The following FNTB variants were observed in gnomAD, a reference collection of about 807,000 sequenced individuals.
FNTB encodes farnesyltransferase, CAAX box, subunit beta.
A neutral mutation model predicts 59.4 loss-of-function variants in FNTB; 27 were observed. The ratio of observed to expected loss-of-function variants is 0.45; its 90% confidence interval spans 0.34 to 0.63. The LOEUF (loss-of-function observed/expected upper bound fraction) is 0.63, where lower values mean the gene tolerates loss of function less well. Among genes scored for constraint, FNTB ranks in the 20% least tolerant of loss-of-function variants. FNTB has a pLI of 0.02. For synonymous variants in FNTB, 230 were observed against 220.7 expected, an observed-to-expected ratio of 1.04 and a Z score of -0.37; for missense variants, 449 against 559.6, an observed-to-expected ratio of 0.80 and a Z score of 1.99.
chr14:65,054,001 A>G lies in FNTB; in HGVS notation c.1068-574A>G, dbSNP rs11851530. 0.12 allele frequency among the ~76,000 whole-genome samples: 18,913 copies of G among 152,214 alleles called. 2,504 individuals are homozygous for G. Among genetic ancestry groups the G allele is most frequent in the African/African-American group, 0.34 (14,007 of 41,482 alleles). ...CCCTTTCCAGAAGACAGCTGGAGAG[A>G]CTGACTTTAAAATTACAGTTTCCTT... On this transcript the variant is annotated intron_variant, in intron 10 of 11. Transcript: ENST00000246166. The surrounding 1 kb of genome is among the most constrained non-coding windows in gnomAD (Gnocchi z 4.4).
rs1193719352 is a variant in FNTB at position 65,001,616 on chromosome 14, T to C, written c.145-2633T>C. 6.6e-6 allele frequency among the ~76,000 whole-genome samples: 1 copy of C among 152,206 alleles called. No homozygotes were observed. Among genetic ancestry groups the C allele is most frequent in the East Asian group, 1.9e-4 (1 of 5,202 alleles). On this transcript the variant is annotated intron_variant, in intron 1 of 11. Transcript: ENST00000246166. This position sits in a 1 kb window ranked among gnomAD's most constrained non-coding sequence, Gnocchi z 5.5. ...ACTTGAGCATCCACAGATTTTGATATCCTGGGAGATCCTGGAACCAATCCC... is the reference window on the plus strand; with the variant it reads ...ACTTGAGCATCCACAGATTTTGATACCCTGGGAGATCCTGGAACCAATCCC...
intron 4 of FNTB, among the ~76,000 whole-genome samples, chr14:65,018,858 C>T (rs893002391): frequency 6.7e-5 from 10 of 150,216 alleles, no homozygotes; most frequent in African/African-American, 2.2e-4. Context: ...CACCTGTAAT[C>T]CCAGCACTTT....
intron 4 of FNTB, among the ~76,000 whole-genome samples, chr14:65,018,969 G>A (rs2061834088): frequency 6.6e-6 from 1 of 152,084 alleles, no homozygotes; most frequent in Admixed American, 6.6e-5. Context: ...AATTAGCCAA[G>A]CGTGGTGGCG....
At chr14:64,993,694 G>T (rs1594983022) in intron 1 of FNTB, among the ~76,000 whole-genome samples, 1 of 152,174 alleles carries the variant, frequency 6.6e-6, no homozygotes, top group Non-Finnish European at 1.5e-5. Context: ...AGGAAGCAGA[G>T]AAGTGATAGT....
At chr14:65,049,109 A>AGG (rs1002434982) in intron 9 of FNTB, among the ~76,000 whole-genome samples, 1 of 147,130 alleles carries the variant, frequency 6.8e-6, no homozygotes, top group African/African-American at 2.6e-5. Flanking sequence ...CCTGGGTAAC[A>AGG]GGGCAGGACT....
rs2140035731 is a variant in FNTB, at chr14:64,991,819, G to C, written c.144+4722G>C. On this transcript the variant is annotated intron_variant, in intron 1 of 11. Transcript: ENST00000246166. The surrounding 1 kb of genome is among the most constrained non-coding windows in gnomAD (Gnocchi z 4.4). ...AGAGCTGTTTTGAGGGAAGACTCAG[G>C]CTTGACTGGGGGCGTTAAGATGGCT... Among the ~76,000 whole-genome samples the C allele has an allele frequency of 6.6e-6, 1 of 152,186 alleles. No homozygotes were observed. The highest frequency in any genetic ancestry group is 2.1e-4 in the South Asian group (1 of 4,812).
At chr14:65,036,451 G>C (rs2062195596) in intron 7 of FNTB, among the ~76,000 whole-genome samples, 1 of 151,930 alleles carries the variant, frequency 6.6e-6, no homozygotes, top group African/African-American at 2.4e-5. Flanking sequence ...TGCCCAGGCT[G>C]GTCTTAAACC....
chr14:65,044,024 C>T lies in FNTB; in HGVS notation c.823-287C>T, dbSNP rs1161087532. On this transcript the variant is annotated intron_variant, in intron 8 of 11. Coordinates refer to ENST00000246166, the MANE Select transcript of FNTB (RefSeq NM_002028.4). This position sits in a 1 kb window ranked among gnomAD's most constrained non-coding sequence, Gnocchi z 5.5. ...TTACAAACCAGCTTGGCCTCTTTAT[C>T]TTCTCAGCACTGGCACTGCTTTGGA... 6.6e-6 allele frequency among the ~76,000 whole-genome samples: 1 copy of T among 152,144 alleles called. No individual in the cohort carries two copies. Among genetic ancestry groups the T allele is most frequent in the Non-Finnish European group, 1.5e-5 (1 of 68,018 alleles).
At position 64,987,081 on chromosome 14, in the gene FNTB, T is replaced by G. The variant is rs1327326561; in HGVS notation, c.128T>G (p.Val43Gly). The G allele has an allele frequency of 6.2e-7, 1 of 1,614,194 alleles. No homozygotes were observed. Among genetic ancestry groups the G allele is most frequent in the South Asian group, 1.1e-5 (1 of 91,086 alleles). ...TTGCAGGACGACTCGGTGGAAACAG[T>G]CACGTCCATAGAACAGGTGAGGTGG... ...ERLQDDSVET[V>G]TSIEQAKVEE... Residue 43 changes from valine to glycine, a missense_variant, in exon 1 of 12, where the codon GTC becomes GGC. Physicochemically the swap from Val to Gly is moderately radical, Grantham distance 109 (BLOSUM62 -3). This residue lies in a region of FNTB where 112 missense variants were observed against 80.5 expected (regional missense o/e 1.39). Coordinates refer to ENST00000246166, the MANE Select transcript of FNTB (RefSeq NM_002028.4).
intron 9 of FNTB, among the ~76,000 whole-genome samples, chr14:65,052,312 G>T (rs1175743582): frequency 2.0e-5 from 3 of 152,108 alleles, no homozygotes; most frequent in Non-Finnish European, 4.4e-5. Flanking sequence ...AAAACGCATA[G>T]AACCAAAAAG....
rs180811414 is a variant in FNTB, at chr14:65,042,257, C to T, written c.822+1338C>T. 9.3e-4 allele frequency among the ~76,000 whole-genome samples: 141 copies of T among 152,206 alleles called. 1 individual carries two copies. The highest frequency in any genetic ancestry group is 3.1e-3 in the African/African-American group (127 of 41,524). On this transcript the variant is annotated intron_variant, in intron 8 of 11. Coordinates refer to ENST00000246166, the MANE Select transcript of FNTB (RefSeq NM_002028.4). The stretch of plus-strand genomic sequence containing the variant: ...ATTACATTTATTGTGTACTTTATTT[C>T]TATTATTACACTGTAATATATAATG...
chr14:65,055,225 A>G (rs1357369567), intron 11 of FNTB, among the ~76,000 whole-genome samples: 10 of 152,236 alleles, frequency 6.6e-5, no homozygotes, highest in African/African-American at 2.4e-4. Context: ...TGAAAAAACA[A>G]TAGCCCTATG....
At chr14:64,988,791 T>A (rs1888062793) in intron 1 of FNTB, among the ~76,000 whole-genome samples, 1 of 152,202 alleles carries the variant, frequency 6.6e-6, no homozygotes, top group African/African-American at 2.4e-5. Context: ...CTTATATTTC[T>A]TTTTCATGTT....
At chr14:64,989,936 G>A (rs1888125768) in intron 1 of FNTB, among the ~76,000 whole-genome samples, 1 of 152,158 alleles carries the variant, frequency 6.6e-6, no homozygotes, top group Admixed American at 6.5e-5. Flanking sequence ...AATGGGTGGG[G>A]TGGGAGCAGG....
intron 9 of FNTB, among the ~76,000 whole-genome samples, chr14:65,049,900 A>G (rs2062568302): frequency 6.6e-6 from 1 of 152,162 alleles, no homozygotes; most frequent in Non-Finnish European, 1.5e-5. Context: ...AAAAATCCCC[A>G]TACACATTAA....
chr14:65,006,937 T>C (rs896418580), intron 2 of FNTB, among the ~76,000 whole-genome samples: 4 of 151,986 alleles, frequency 2.6e-5, no homozygotes, highest in East Asian at 1.9e-4. Context: ...AGGTCAAGTA[T>C]GGGTGGGAAA....
At chr14:65,019,707 T>A (rs2061850646) in intron 4 of FNTB, among the ~76,000 whole-genome samples, 1 of 152,202 alleles carries the variant, frequency 6.6e-6, no homozygotes, top group Non-Finnish European at 1.5e-5. Context: ...TAGTGAACTT[T>A]TAAACATTTC....
intron 1 of FNTB, among the ~76,000 whole-genome samples, chr14:65,002,890 G>A (rs1027041209): frequency 6.6e-6 from 1 of 152,068 alleles, no homozygotes; most frequent in African/African-American, 2.4e-5. Flanking sequence ...ACTGATTGCT[G>A]GACTTCAAAG....
chr14:65,054,509 T>C lies in FNTB; in HGVS notation c.1068-66T>C. The C allele has an allele frequency of 1.3e-6, 2 of 1,494,308 alleles. No individual in the cohort carries two copies. The highest frequency in any genetic ancestry group is 4.9e-5 in the East Asian group (2 of 41,126). 92.6% of individuals were successfully genotyped at this position (1,494,308 alleles called of 1,614,324 possible). A position where few individuals can be genotyped will look rare whatever the true frequency, so the allele number is the denominator to read the frequency against. ...ATTGCACCAGTGGTCTCTGAATTGGTGTGGCTACATTTGTAGATGTGTGCG... is the reference window on the plus strand; with the variant it reads ...ATTGCACCAGTGGTCTCTGAATTGGCGTGGCTACATTTGTAGATGTGTGCG... On this transcript the variant is annotated intron_variant, in intron 10 of 11. Coordinates refer to ENST00000246166, the MANE Select transcript of FNTB (RefSeq NM_002028.4). This position sits in a 1 kb window ranked among gnomAD's most constrained non-coding sequence, Gnocchi z 4.4.
Sources: allele counts gnomAD v4.1 joint callset (sites outside exome capture counted in the v4.1 genomes callset), GRCh38; gene constraint gnomAD v4.1.1; regional missense constraint gnomAD v4.1.1; non-coding constraint Gnocchi (gnomAD v3.1); transcripts MANE v1.5; gene names NCBI Gene and HGNC (gene_info 2026-07-23, HGNC 2026-07-21).